Variants in STK3 observed in about 807,000 individuals in gnomAD.
STK3 encodes serine/threonine-protein kinase 3.
STK3 carries 41 observed loss-of-function variants against 58.0 expected under a neutral mutation model. The ratio of observed to expected loss-of-function variants is 0.71; its 90% CI spans 0.55 to 0.92. STK3 has a LOEUF of 0.92. STK3 is among the 40% of genes least tolerant of loss of function. STK3 has a pLI of 0.00. For missense variants in STK3, 479 were observed against 602.7 expected (o/e 0.79, Z 2.15); for synonymous variants, 170 against 191.0 (o/e 0.89, Z 0.91).
intron 2 of STK3, among the ~76,000 whole-genome samples, chr8:98,375,696 T>G (rs980952595): frequency 2.0e-5 from 3 of 152,172 alleles, no homozygotes; most frequent in African/African-American, 7.2e-5. Context: ...CTCAACATAG[T>G]ATCTTTGCAT....
chr8:98,474,598 C>T lies in STK3; in HGVS notation c.1318-18598G>A, dbSNP rs1181572861. Among the ~76,000 whole-genome samples the T allele has an allele frequency of 2.6e-5, 4 of 152,190 alleles. No homozygotes were observed. In the East Asian group the frequency reaches 7.7e-4, roughly 29 times the overall value. On this transcript the variant is annotated intron_variant, in intron 10 of 10. Coordinates refer to ENST00000419617, the MANE Select transcript of STK3 (RefSeq NM_006281.4). ...TTAGAATGTTGTTCCACACTCCCCA[C>T]TTTGGCTTCAAGACTTTGTTAACAC... is the stretch of plus-strand genomic sequence containing the variant.
rs185942413 is a variant in STK3, at chr8:98,800,392, G to A, written c.26+25123C>T. On this transcript the variant is annotated intron_variant, in intron 1 of 10. Transcript: ENST00000419617. This position sits in a 1 kb window ranked among gnomAD's most constrained non-coding sequence, Gnocchi z 4.8. ...CGGCCAAATTCCCAACAGCAGTTGG[G>A]GTGTCCTGTTTAGAGGGGGGATTGA... Among the ~76,000 whole-genome samples, 1 of 152,172 alleles carries A rather than the reference G, an allele frequency of 6.6e-6. No homozygotes were observed. The highest frequency in any genetic ancestry group is 2.4e-5 in the African/African-American group (1 of 41,462).
chr8:98,819,588 T>C (rs1834760437), intron 1 of STK3, among the ~76,000 whole-genome samples: 1 of 152,172 alleles, frequency 6.6e-6, no homozygotes, highest in Admixed American at 6.6e-5. Context: ...TGCTCCTGTT[T>C]GGTTGGTTCT....
intron 6 of STK3, among the ~76,000 whole-genome samples, chr8:98,665,367 A>G (rs1822258932): frequency 6.6e-6 from 1 of 152,158 alleles, no homozygotes; most frequent in Non-Finnish European, 1.5e-5. Flanking sequence ...CCATTGAAGT[A>G]GCTGGTTACA....
upstream of STK3, among the ~76,000 whole-genome samples, chr8:98,393,040 T>C (rs1817863229): frequency 6.6e-6 from 1 of 151,760 alleles, no homozygotes; most frequent in African/African-American, 2.4e-5. Flanking sequence ...TGAGGGGGAG[T>C]CCACCCAAGG....
intron 1 of STK3, among the ~76,000 whole-genome samples, chr8:98,801,975 T>A (rs1833583903): frequency 6.6e-6 from 1 of 152,176 alleles, no homozygotes; most frequent in South Asian, 2.1e-4. Context: ...AATTCAAAAC[T>A]AGCCTGGGCA....
At chr8:98,400,823 T>TCGAGACCATC (rs1817935424), downstream of STK3, among the ~76,000 whole-genome samples, 1 of 152,188 alleles carries the variant, frequency 6.6e-6, no homozygotes, top group Non-Finnish European at 1.5e-5. Context: ...AACTCAGATA[T>TCGAGACCATC]CAGCTGGGGA....
At chr8:98,386,007 C>A (rs563765907) in intron 1 of STK3, among the ~76,000 whole-genome samples, 3 of 151,948 alleles carry the variant, frequency 2.0e-5, no homozygotes, top group South Asian at 2.1e-4. Context: ...ATAAGAAAGA[C>A]GAAAAATAGC....
chr8:98,715,524 T>A (rs527885931), intron 4 of STK3, among the ~76,000 whole-genome samples: 8 of 151,816 alleles, frequency 5.3e-5, no homozygotes, highest in Non-Finnish European at 1.0e-4. Context: ...AAAAGACCCA[T>A]GAAAACATGC....
chr8:98,711,360 C>G (rs1189410088), intron 4 of STK3, among the ~76,000 whole-genome samples: 2 of 150,908 alleles, frequency 1.3e-5, no homozygotes, highest in Admixed American at 1.3e-4. Context: ...AGTACGAACC[C>G]AGGCAAAGAA....
At chr8:98,842,362 C>T (rs1480101478) in intron 3 of STK3, among the ~76,000 whole-genome samples, 2 of 152,130 alleles carry the variant, frequency 1.3e-5, no homozygotes, top group African/African-American at 4.8e-5. Flanking sequence ...AGAGACTTGT[C>T]CTAGCAGGTG....
chr8:98,668,297 T>C (rs1822524559), intron 6 of STK3, among the ~76,000 whole-genome samples: 1 of 152,212 alleles, frequency 6.6e-6, no homozygotes, highest in Admixed American at 6.5e-5. Context: ...TTTAGGGGCA[T>C]TTAATCTTGC....
In STK3 at chr8:98,707,506, C is replaced by A. The variant is rs539931801; in HGVS notation, c.352-195G>T. On this transcript the variant is annotated intron_variant, in intron 4 of 10. Coordinates refer to ENST00000419617, the MANE Select transcript of STK3 (RefSeq NM_006281.4). ...CAGCCTAAAATTCCTGGGCTCAAGG[C>A]ATGCTCCCACCTCAGCTTCCCGAGT... 4.6e-5 allele frequency among the ~76,000 whole-genome samples: 7 copies of A among 152,100 alleles called. No homozygotes were observed. The South Asian group carries it at 1.5e-3, about 32-fold the overall frequency.
the STK3 span, among the ~76,000 whole-genome samples, chr8:98,362,912 C>T: frequency 6.6e-6 from 1 of 152,138 alleles, no homozygotes; most frequent in Non-Finnish European, 1.5e-5. Flanking sequence ...CAGCAAATTC[C>T]CATTTGCAGA....
chr8:98,878,147 G>A (rs1056676213), intron 3 of STK3, among the ~76,000 whole-genome samples: 1 of 151,142 alleles, frequency 6.6e-6, no homozygotes, highest in Non-Finnish European at 1.5e-5. Flanking sequence ...CTGCCTCCCA[G>A]GCTCAAGCAA....
intron 1 of STK3, among the ~76,000 whole-genome samples, chr8:98,387,206 G>T (rs1167879974): frequency 1.3e-5 from 2 of 152,028 alleles, no homozygotes; most frequent in Admixed American, 1.3e-4. Context: ...ATACAAAGCG[G>T]TTTTTTCAGT....
intron 3 of STK3, among the ~76,000 whole-genome samples, chr8:98,858,317 TATATATAG>T (rs1321293758): frequency 3.9e-4 from 19 of 49,282 alleles, no homozygotes; most frequent in African/African-American, 1.0e-3. Flanking sequence ...TATATATATA[TATATATAG>T]AGAGAGAGAG....
chr8:98,752,296 CA>C (rs1830035854), intron 3 of STK3, among the ~76,000 whole-genome samples: 1 of 152,100 alleles, frequency 6.6e-6, no homozygotes, highest in South Asian at 2.1e-4. Flanking sequence ...TAAGACCACA[CA>C]ACTACAACTA....
chr8:98,674,940 G>A (rs1208673276), intron 6 of STK3, among the ~76,000 whole-genome samples: 1 of 152,130 alleles, frequency 6.6e-6, no homozygotes, highest in Non-Finnish European at 1.5e-5. Context: ...AACAACAAAA[G>A]AGAAAACTGT....
Sources: allele counts gnomAD v4.1 joint callset (sites outside exome capture counted in the v4.1 genomes callset), GRCh38; gene constraint gnomAD v4.1.1; non-coding constraint Gnocchi (gnomAD v3.1); transcripts MANE v1.5; gene names NCBI Gene and HGNC (gene_info 2026-07-23, HGNC 2026-07-21).